Variants in AGBL4 observed in about 807,000 individuals in gnomAD.
The protein encoded by AGBL4 is cytosolic carboxypeptidase 6.
Under a neutral mutation model 66.4 loss-of-function variants are expected in AGBL4, and 58 were observed. The ratio of observed to expected loss-of-function variants is 0.87; its 90% CI spans 0.71 to 1.09. The LOEUF (loss-of-function observed/expected upper bound fraction) is 1.09, where lower values mean the gene tolerates loss of function less well. Among genes scored for constraint, AGBL4 ranks in the 50% least tolerant of loss-of-function variants. The probability of loss-of-function intolerance (pLI) is 0.00; values close to 1 mark genes in which losing one functional copy is unlikely to be tolerated. For synonymous variants in AGBL4, 234 were observed against 222.9 expected (o/e 1.05, Z -0.44); for missense variants, 579 against 631.0 (o/e 0.92, Z 0.88).
intron 1 of AGBL4, chr1:50,017,105 G>A (rs919262277): frequency 7.9e-5 from 12 of 151,820 alleles, no homozygotes; most frequent in African/African-American, 2.2e-4. Flanking sequence ...ATAAATCCCC[G>A]CTCTACAGAA....
intron 1 of AGBL4, among the ~76,000 whole-genome samples, chr1:49,903,289 G>T (rs1470993387): frequency 6.6e-6 from 1 of 152,052 alleles, no homozygotes; most frequent in Non-Finnish European, 1.5e-5. Context: ...CTTATAAGTG[G>T]GGTCTAAACA....
intron 5 of AGBL4, among the ~76,000 whole-genome samples, chr1:48,970,326 C>T (rs1010402977): frequency 2.0e-5 from 3 of 152,142 alleles, no homozygotes; most frequent in Non-Finnish European, 2.9e-5. Flanking sequence ...AATTCCAGAT[C>T]CCCATGCTTT....
intron 3 of AGBL4, among the ~76,000 whole-genome samples, chr1:49,537,751 C>T (rs1409906880): frequency 1.3e-5 from 2 of 152,082 alleles, no homozygotes; most frequent in African/African-American, 4.8e-5. Flanking sequence ...GGTGAAACCC[C>T]GTCTCTTCTA....
At chr1:48,631,009 C>T (rs556502259) in intron 9 of AGBL4, among the ~76,000 whole-genome samples, 2 of 152,188 alleles carry the variant, frequency 1.3e-5, no homozygotes, top group Non-Finnish European at 2.9e-5. Flanking sequence ...AAATGTCTGT[C>T]TCCACCAGGC....
chr1:49,488,281 T>G (rs1465810026), intron 3 of AGBL4, among the ~76,000 whole-genome samples: 1 of 151,704 alleles, frequency 6.6e-6, no homozygotes, highest in Non-Finnish European at 1.5e-5. Flanking sequence ...ATATATTCTT[T>G]GTCCACATAT....
At chr1:49,149,464 T>C (rs951899729) in intron 4 of AGBL4, among the ~76,000 whole-genome samples, 1 of 152,200 alleles carries the variant, frequency 6.6e-6, no homozygotes, top group Non-Finnish European at 1.5e-5. Flanking sequence ...GTTAACATTG[T>C]GCAGTGAACT....
At chr1:48,716,827 G>C (rs1647059110) in intron 6 of AGBL4, among the ~76,000 whole-genome samples, 1 of 152,208 alleles carries the variant, frequency 6.6e-6, no homozygotes, top group Non-Finnish European at 1.5e-5. Context: ...CTGAGCTTGG[G>C]CTGGGGTCAA....
At chr1:49,218,924 G>A (rs1649286553) in intron 4 of AGBL4, among the ~76,000 whole-genome samples, 1 of 152,116 alleles carries the variant, frequency 6.6e-6, no homozygotes, top group African/African-American at 2.4e-5. Context: ...CTGCCACCAT[G>A]TAAGCTGTGC....
At chr1:48,760,087 C>T (rs1644175126) in intron 6 of AGBL4, among the ~76,000 whole-genome samples, 1 of 152,302 alleles carries the variant, frequency 6.6e-6, no homozygotes, top group Non-Finnish European at 1.5e-5. Flanking sequence ...AATTTGGAAT[C>T]TAACTTCCAG....
At chr1:49,138,904 G>T (rs898988707) in intron 4 of AGBL4, among the ~76,000 whole-genome samples, 2 of 152,122 alleles carry the variant, frequency 1.3e-5, no homozygotes, top group Non-Finnish European at 2.9e-5. Context: ...AAGAAAAGAG[G>T]TTGAACTGAT....
chr1:48,872,368 A>C (rs1242976822), intron 5 of AGBL4, among the ~76,000 whole-genome samples: 2 of 152,174 alleles, frequency 1.3e-5, no homozygotes, highest in East Asian at 3.9e-4. Context: ...TGTAAGTCAC[A>C]TATATTTATG....
intron 3 of AGBL4, among the ~76,000 whole-genome samples, chr1:49,265,237 C>T (rs548635583): frequency 1.9e-3 from 294 of 152,248 alleles, no homozygotes; most frequent in South Asian, 3.3e-3. Flanking sequence ...CACTTAACCT[C>T]CTCTGATAAT....
intron 4 of AGBL4, among the ~76,000 whole-genome samples, chr1:49,177,604 C>G (rs184574308): frequency 6.6e-6 from 1 of 152,054 alleles, no homozygotes; most frequent in African/African-American, 2.4e-5. Flanking sequence ...CAGTGCCCAG[C>G]GTGAAGCTCT....
intron 4 of AGBL4, among the ~76,000 whole-genome samples, chr1:49,135,978 C>T (rs936467860): frequency 6.6e-6 from 1 of 152,082 alleles, no homozygotes; most frequent in Non-Finnish European, 1.5e-5. Flanking sequence ...TTTGTTTTCT[C>T]CTGTAGGCTT....
chr1:48,789,195 T>A (rs2148727310), intron 6 of AGBL4, among the ~76,000 whole-genome samples: 1 of 152,248 alleles, frequency 6.6e-6, no homozygotes, highest in Middle Eastern at 3.4e-3. Context: ...CTTGGAACAC[T>A]GCTTGTCATC....
intron 1 of AGBL4, among the ~76,000 whole-genome samples, chr1:49,997,953 T>C (rs1221437942): frequency 4.6e-5 from 7 of 152,176 alleles, no homozygotes; most frequent in African/African-American, 1.7e-4. Flanking sequence ...TGCTCCTGAA[T>C]GATCATTGGG....
chr1:49,114,917 T>A (rs113652262), intron 4 of AGBL4, among the ~76,000 whole-genome samples: 4,205 of 152,186 alleles, frequency 0.028, 170 homozygotes, highest in African/African-American at 0.096. Context: ...ATAGCAGATA[T>A]AATAATAATG....
chr1:49,169,387 C>T (rs1646691960), intron 4 of AGBL4, among the ~76,000 whole-genome samples: 2 of 152,198 alleles, frequency 1.3e-5, no homozygotes, highest in African/African-American at 2.4e-5. Flanking sequence ...TCTATTTCTA[C>T]TCCTATAAGG....
chr1:49,725,233 TA>T, intron 2 of AGBL4, among the ~76,000 whole-genome samples: 1 of 152,322 alleles, frequency 6.6e-6, no homozygotes, highest in East Asian at 1.9e-4. Flanking sequence ...CTCTCTGAAT[TA>T]CTCTTTCCTA....
Sources: allele counts gnomAD v4.1 joint callset (sites outside exome capture counted in the v4.1 genomes callset), GRCh38; gene constraint gnomAD v4.1.1; transcripts MANE v1.5; gene names NCBI Gene and HGNC (gene_info 2026-07-23, HGNC 2026-07-21).